Variants in SYNE2 observed in about 807,000 individuals in gnomAD.
SYNE2 encodes the protein nesprin-2.
SYNE2 carries 431 observed loss-of-function variants against 856.3 expected under a neutral mutation model. The observed-to-expected ratio is 0.50, with a 90% CI of 0.47 to 0.55. The LOEUF (loss-of-function observed/expected upper bound fraction) is 0.55, where lower values mean the gene tolerates loss of function less well. Among genes scored for constraint, SYNE2 ranks in the 20% least tolerant of loss-of-function variants. The pLI, the probability that SYNE2 is intolerant of heterozygous loss-of-function variation, is 0.00. For synonymous variants in SYNE2, 2,923 were observed against 2,872.3 expected, an observed-to-expected ratio of 1.02 and a Z score of -0.56; for missense variants, 8,129 against 8,023.2, an observed-to-expected ratio of 1.01 and a Z score of -0.50.
intron 1 of SYNE2, among the ~76,000 whole-genome samples, chr14:63,860,383 G>A (rs1055127522): frequency 6.6e-6 from 1 of 152,204 alleles, no homozygotes; most frequent in Non-Finnish European, 1.5e-5. Context: ...CAATCTTCCT[G>A]TGTTGACATT....
At chr14:64,167,119 T>G in intron 90 of SYNE2, 114 bp from the exon 91 acceptor site, 1 of 1,336,528 alleles carries the variant, frequency 7.5e-7, no homozygotes, top group Non-Finnish European at 1.1e-6. Flanking sequence ...TGTGGGCAAG[T>G]CATTTGCCTG....
chr14:64,122,616 G>A lies in SYNE2; in HGVS notation c.13422+189G>A. 4.2e-6 allele frequency: 3 copies of A among 708,066 alleles called. No homozygotes were observed. In the South Asian group the frequency reaches 5.1e-5, roughly 12 times the overall value. 43.9% of individuals were successfully genotyped at this position (708,066 alleles called of 1,614,324 possible). ...TCCTTTGTGCTTCTGTAGCACCCAGGGCTTCCCTCATCAGAGCTGTTATTT... is the reference window on the plus strand; with the variant it reads ...TCCTTTGTGCTTCTGTAGCACCCAGAGCTTCCCTCATCAGAGCTGTTATTT... On this transcript the variant is annotated intron_variant, in intron 70 of 115. Coordinates refer to ENST00000555002, the MANE Select transcript of SYNE2 (RefSeq NM_182914.3).
chr14:64,215,694 A>C, intron 107 of SYNE2: 1 of 417,452 alleles, frequency 2.4e-6, no homozygotes, highest in Non-Finnish European at 4.3e-6. Flanking sequence ...TTGGTTTGGA[A>C]CTGTTTCCTT....
chr14:63,769,890 T>A (rs1595093613), intron 1 of SYNE2, among the ~76,000 whole-genome samples: 1 of 151,614 alleles, frequency 6.6e-6, no homozygotes, highest in Non-Finnish European at 1.5e-5. Flanking sequence ...CAGAGCCAGA[T>A]CCTGTCTCAA....
At chr14:63,787,579 C>G (rs1209207608) in intron 1 of SYNE2, among the ~76,000 whole-genome samples, 2 of 152,186 alleles carry the variant, frequency 1.3e-5, no homozygotes, top group Non-Finnish European at 2.9e-5. Flanking sequence ...TAGAACAGCT[C>G]AGAGGAGACC....
At chr14:63,956,638 A>G (rs1459228501) in intron 8 of SYNE2, among the ~76,000 whole-genome samples, 1 of 152,058 alleles carries the variant, frequency 6.6e-6, no homozygotes, top group Non-Finnish European at 1.5e-5. Flanking sequence ...CCTGCCCTTC[A>G]TGTCTGGGTT....
intron 2 of SYNE2, among the ~76,000 whole-genome samples, chr14:63,928,914 C>A (rs895643570): frequency 6.6e-6 from 1 of 152,262 alleles, no homozygotes; most frequent in African/African-American, 2.4e-5. Flanking sequence ...TAGCACATGC[C>A]TGTGACATAA....
chr14:63,889,298 A>G (rs2095073118), intron 1 of SYNE2, among the ~76,000 whole-genome samples: 1 of 152,062 alleles, frequency 6.6e-6, no homozygotes, highest in African/African-American at 2.4e-5. Flanking sequence ...TCCTTACAGT[A>G]TATCTAACTT....
intron 1 of SYNE2, among the ~76,000 whole-genome samples, chr14:63,876,975 A>C (rs1336378725): frequency 2.2e-4 from 33 of 152,238 alleles, no homozygotes. Flanking sequence ...ACTCAGAGCC[A>C]GAAATAGACC....
intron 64 of SYNE2, among the ~76,000 whole-genome samples, chr14:64,104,937 C>G (rs945484059): frequency 5.3e-5 from 8 of 152,092 alleles, no homozygotes; most frequent in Non-Finnish European, 8.8e-5. Context: ...ATTTTACCAC[C>G]TTTCCTTCAA....
rs1281921502 is a variant in SYNE2, at chr14:63,974,890, G to GTATATATA, written c.1129-1672_1129-1671insATATATAT. On this transcript the variant is annotated intron_variant, in intron 11 of 115. Transcript: ENST00000555002. Reference sequence around the variant, plus strand: ...TGTGTGTGTGTGTGTGTGTGTGTGTGTGTATATATATATATATATATATAT... The same window carrying GTATATATA: ...TGTGTGTGTGTGTGTGTGTGTGTGTGTATATATATGTATATATATATATATATATATAT... Among the ~76,000 whole-genome samples the GTATATATA allele has an allele frequency of 2.5e-3, 69 of 27,484 alleles. 1 individual carries two copies. The highest frequency in any genetic ancestry group is 5.8e-3 in the African/African-American group (49 of 8,388). The allele number at this position is 27,484 out of a possible 152,430, so 18.0% of individuals were successfully genotyped here.
chr14:63,832,926 G>A (rs1889723188), intron 1 of SYNE2, among the ~76,000 whole-genome samples: 2 of 149,646 alleles, frequency 1.3e-5, no homozygotes, highest in South Asian at 2.1e-4. Context: ...TATAGTCCCA[G>A]CTCTCGGGAG....
chr14:63,877,874 A>C (rs1386836399), intron 1 of SYNE2, among the ~76,000 whole-genome samples: 1 of 94,002 alleles, frequency 1.1e-5, no homozygotes, highest in East Asian at 2.5e-4. Flanking sequence ...CATTAGCTAC[A>C]CTTTTTTTTT....
At chr14:64,071,387 G>A (rs577949088) in intron 52 of SYNE2, among the ~76,000 whole-genome samples, 29 of 151,918 alleles carry the variant, frequency 1.9e-4, no homozygotes, top group African/African-American at 6.5e-4. Context: ...CCAGCTACTC[G>A]GGAGGCTGAG....
chr14:64,211,923 T>C, intron 103 of SYNE2, 38 bp from the exon 104 acceptor site: 1 of 1,613,904 alleles, frequency 6.2e-7, no homozygotes. Flanking sequence ...TCTTGTTCCG[T>C]GGTCAGTAGA....
chr14:63,815,314 G>A (rs954753393), intron 1 of SYNE2, among the ~76,000 whole-genome samples: 11 of 148,342 alleles, frequency 7.4e-5, no homozygotes, highest in South Asian at 2.1e-4. Flanking sequence ...CATATAGGCC[G>A]TCTGCAAGCT....
intron 1 of SYNE2, among the ~76,000 whole-genome samples, chr14:63,877,650 A>T (rs2094757270): frequency 6.6e-6 from 1 of 152,236 alleles, no homozygotes; most frequent in African/African-American, 2.4e-5. Flanking sequence ...TCTCATAGGA[A>T]TGTTGAAAGT....
intron 1 of SYNE2, among the ~76,000 whole-genome samples, chr14:63,889,046 CAAAAAAAAAAAA>C (rs200729691): frequency 0.42 from 45,674 of 109,060 alleles, 6,299 homozygotes; most frequent in South Asian, 0.53. Flanking sequence ...TACTAAAATA[CAAAAAAAAAAAA>C]AAAAAAAAAA....
chr14:63,968,198 T>A (rs1050187271), intron 11 of SYNE2, among the ~76,000 whole-genome samples: 3 of 152,166 alleles, frequency 2.0e-5, no homozygotes, highest in Non-Finnish European at 4.4e-5. Context: ...GCAGCTTTGT[T>A]TTTTTGGATG....
Sources: allele counts gnomAD v4.1 joint callset (sites outside exome capture counted in the v4.1 genomes callset), GRCh38; gene constraint gnomAD v4.1.1; transcripts MANE v1.5; gene names NCBI Gene and HGNC (gene_info 2026-07-23, HGNC 2026-07-21).